The following COG5 variants were observed in gnomAD, a reference collection of about 807,000 sequenced individuals.
COG5 encodes component of oligomeric golgi complex 5, also known as conserved oligomeric Golgi complex subunit 5.
COG5 carries 86 observed loss-of-function variants against 110.4 expected under a neutral mutation model. The ratio of observed to expected loss-of-function variants is 0.78; its 90% confidence interval spans 0.65 to 0.93. The LOEUF (loss-of-function observed/expected upper bound fraction) is 0.93, where lower values mean the gene tolerates loss of function less well. Among genes scored for constraint, COG5 ranks in the 40% least tolerant of loss-of-function variants. COG5 has a pLI of 0.00. For missense variants in COG5, 1,077 were observed against 987.0 expected (o/e 1.09, Z -1.22); for synonymous variants, 360 against 334.6 (o/e 1.08, Z -0.83).
intron 14 of COG5, among the ~76,000 whole-genome samples, chr7:107,269,367 C>T (rs1018525205): frequency 2.7e-5 from 4 of 150,564 alleles, no homozygotes; most frequent in East Asian, 2.0e-4. Context: ...CCCAGCTACT[C>T]GGGAGGCTGA....
At chr7:107,511,838 T>C (rs1168174175) in intron 6 of COG5, among the ~76,000 whole-genome samples, 6 of 152,126 alleles carry the variant, frequency 3.9e-5, no homozygotes, top group Non-Finnish European at 7.3e-5. Context: ...TTTGACAAAA[T>C]TCAACAACAC....
intron 8 of COG5, among the ~76,000 whole-genome samples, chr7:107,367,032 A>T (rs993941541): frequency 1.3e-5 from 2 of 151,162 alleles, no homozygotes; most frequent in African/African-American, 4.9e-5. Flanking sequence ...CTTTCGGTGT[A>T]TTTTTTTTTA....
In COG5 at chr7:107,283,648, G is replaced by C. The variant is rs200061899; in HGVS notation, c.1398C>G (p.Ile466Met). Reference sequence around the variant, plus strand: ...GACCACCCGGGGGAAAAACCAAGTTGATAGGATCGAAGAGTCGAGATAAGG... The same window carrying C: ...GACCACCCGGGGGAAAAACCAAGTTCATAGGATCGAAGAGTCGAGATAAGG... ...SKSLSRLFDP[I>M]NLVFPPGGRN... Residue 466 changes from isoleucine (I) to methionine (M), a missense_variant, in exon 13 of 22, where the codon ATC (isoleucine) becomes ATG (methionine). By Grantham distance (10) the Ile-to-Met change is conservative. Transcript: ENST00000297135. The C allele has an allele frequency of 1.9e-6, 3 of 1,613,734 alleles. No homozygotes were observed. Among genetic ancestry groups the C allele is most frequent in the Non-Finnish European group, 2.5e-6 (3 of 1,179,692 alleles).
chr7:107,545,419 C>T (rs1802339203), intron 5 of COG5, among the ~76,000 whole-genome samples: 1 of 152,070 alleles, frequency 6.6e-6, no homozygotes, highest in Non-Finnish European at 1.5e-5. Context: ...CCCAAGATGG[C>T]TATGAACAGA....
chr7:107,513,749 G>C (rs1454827482), intron 6 of COG5, among the ~76,000 whole-genome samples: 1 of 152,128 alleles, frequency 6.6e-6, no homozygotes, highest in Non-Finnish European at 1.5e-5. Flanking sequence ...TCCTTTGTAG[G>C]GACATGGATG....
intron 7 of COG5, among the ~76,000 whole-genome samples, chr7:107,410,551 T>C (rs1334782207): frequency 1.3e-5 from 2 of 152,126 alleles, no homozygotes; most frequent in African/African-American, 4.8e-5. Flanking sequence ...TAAGCAATTC[T>C]CCTGCCTCAG....
chr7:107,555,777 C>G (rs1224768726), intron 2 of COG5, among the ~76,000 whole-genome samples: 1 of 151,838 alleles, frequency 6.6e-6, no homozygotes, highest in African/African-American at 2.4e-5. Flanking sequence ...TTTGGGAGAC[C>G]GAGGTGGGTG....
chr7:107,472,421 C>T (rs914460899), intron 6 of COG5: 1 of 151,944 alleles, frequency 6.6e-6, no homozygotes, highest in South Asian at 2.1e-4. Context: ...GATGCATGCA[C>T]CCCACCACAC....
chr7:107,547,038 T>C (rs1017056742), intron 5 of COG5, among the ~76,000 whole-genome samples: 1 of 152,188 alleles, frequency 6.6e-6, no homozygotes, highest in African/African-American at 2.4e-5. Flanking sequence ...ATTAGGCCAA[T>C]ATTACCCTTC....
chr7:107,429,621 T>C (rs1793876073), intron 6 of COG5, among the ~76,000 whole-genome samples: 1 of 152,196 alleles, frequency 6.6e-6, no homozygotes, highest in Non-Finnish European at 1.5e-5. Context: ...GGTTTGGCTG[T>C]GTCCCTACCC....
intron 19 of COG5, among the ~76,000 whole-genome samples, chr7:107,211,911 G>A (rs1799205723): frequency 1.3e-5 from 2 of 152,208 alleles, no homozygotes; most frequent in Admixed American, 1.3e-4. Flanking sequence ...ATGGATGAGA[G>A]CTGATTAGAA....
chr7:107,283,824 C>T (rs1181799567), intron 12 of COG5, 92 bp from the exon 13 acceptor site: 4 of 874,634 alleles, frequency 4.6e-6, no homozygotes, highest in Non-Finnish European at 7.6e-6. Context: ...AAAAAATGCA[C>T]CTCCCATAAA....
At chr7:107,466,284 A>T (rs1023582449) in intron 6 of COG5, among the ~76,000 whole-genome samples, 3 of 152,218 alleles carry the variant, frequency 2.0e-5, no homozygotes, top group African/African-American at 7.2e-5. Context: ...CAACAGAGGG[A>T]GGATAAATTG....
chr7:107,489,075 G>A (rs569323345), intron 6 of COG5, among the ~76,000 whole-genome samples: 1 of 152,196 alleles, frequency 6.6e-6, no homozygotes, highest in Admixed American at 6.5e-5. Flanking sequence ...GCCAGGCTAT[G>A]AAAACTATAG....
intron 2 of COG5, among the ~76,000 whole-genome samples, chr7:107,555,966 T>C (rs758215131): frequency 2.0e-5 from 3 of 150,032 alleles, no homozygotes; most frequent in Non-Finnish European, 4.4e-5. Context: ...GTGAGCAAGA[T>C]CGTGCCACTT....
chr7:107,282,728 G>T (rs536952750), intron 13 of COG5, among the ~76,000 whole-genome samples: 43 of 152,206 alleles, frequency 2.8e-4, no homozygotes, highest in African/African-American at 7.7e-4. Context: ...CACCAGGATG[G>T]TCTGGAACTC....
chr7:107,461,382 T>C (rs1795981662), intron 6 of COG5, among the ~76,000 whole-genome samples: 1 of 151,930 alleles, frequency 6.6e-6, no homozygotes, highest in South Asian at 2.1e-4. Flanking sequence ...TAATGTAATA[T>C]GCATTCCTGA....
rs1798515732 is a variant in COG5 at position 107,203,546 on chromosome 7, CAG to C, written c.2458_2459del (p.Leu820AlafsTer13). On this transcript the variant is annotated frameshift_variant, in exon 22 of 22. Coordinates refer to ENST00000297135, the MANE Select transcript of COG5 (RefSeq NM_006348.5). LOFTEE classifies it high-confidence loss of function. ...FAPVYPIMVQ[L>X]LQKAMSALQ is the part of the protein sequence containing the mutation. ...GAAGAGCAGACATAGCCTTTTGAAG[CAG>C]CTGAACCATTATGGGATAAACTGGT... 3 of 1,613,584 alleles carry C rather than the reference CAG, an allele frequency of 1.9e-6. No homozygotes were observed. In the East Asian group the frequency reaches 6.7e-5, roughly 36 times the overall value.
chr7:107,202,536 CTGAT>C lies in COG5; in HGVS notation c.*976_*979del, dbSNP rs148980521. Reference sequence around the variant, plus strand: ...AAAAGTTGCTTATCTCTGACGTCTACTGATTGATTGATTGATTGATTAATCTTGG... The same window carrying C: ...AAAAGTTGCTTATCTCTGACGTCTACTGATTGATTGATTGATTAATCTTGG... On this transcript the variant is annotated 3_prime_UTR_variant, in exon 22 of 22. Transcript: ENST00000297135. 8,073 of 152,430 alleles carry C rather than the reference CTGAT, an allele frequency of 0.053. 233 individuals are homozygous for C. Among genetic ancestry groups the C allele is most frequent in the African/African-American group, 0.064 (2,634 of 41,466 alleles). The allele number at this position is 152,430 out of a possible 1,614,324, so 9.4% of individuals were successfully genotyped here.
Sources: allele counts gnomAD v4.1 joint callset (sites outside exome capture counted in the v4.1 genomes callset), GRCh38; gene constraint gnomAD v4.1.1; transcripts MANE v1.5; gene names NCBI Gene and HGNC (gene_info 2026-07-23, HGNC 2026-07-21).